Variants in PPIL1 observed in about 807,000 individuals in gnomAD.
PPIL1 encodes the protein peptidylprolyl isomerase like 1.
Under a neutral mutation model 19.4 loss-of-function variants are expected in PPIL1, and 14 were observed. The observed-to-expected ratio is 0.72, with a 90% confidence interval of 0.48 to 1.13. PPIL1 has a LOEUF of 1.13. Among genes scored for constraint, PPIL1 ranks in the 50% most tolerant of loss-of-function variants. PPIL1 has a pLI of 0.00. For synonymous variants in PPIL1, 72 were observed against 73.6 expected, an observed-to-expected ratio of 0.98 and a Z score of 0.11; for missense variants, 192 against 218.0, an observed-to-expected ratio of 0.88 and a Z score of 0.75.
At chr6:36,860,855 G>C (rs569695970) in intron 2 of PPIL1, among the ~76,000 whole-genome samples, 5 of 142,716 alleles carry the variant, frequency 3.5e-5, no homozygotes, top group African/African-American at 1.3e-4. Context: ...AAGTATTGTT[G>C]TTTTGCATGT....
At chr6:36,871,646 G>C (rs1774512238) in intron 2 of PPIL1, 72 bp downstream of exon 2, 2 of 1,509,504 alleles carry the variant, frequency 1.3e-6, no homozygotes, top group Admixed American at 4.4e-5. Context: ...AGAAACTAAT[G>C]CTGGCTTTAG....
intron 2 of PPIL1, among the ~76,000 whole-genome samples, chr6:36,859,811 T>TTGTGTG (rs71880744): frequency 0.072 from 10,436 of 144,910 alleles, 439 homozygotes; most frequent in South Asian, 0.1. Flanking sequence ...CTGTTTTCTA[T>TTGTGTG]TGTGTGTGTG....
intron 3 of PPIL1, 122 bp downstream of exon 3, chr6:36,856,464 C>T (rs1432375563): frequency 1.4e-5 from 12 of 884,216 alleles, no homozygotes; most frequent in African/African-American, 4.9e-5. Context: ...CTTCATGGCG[C>T]CATGGCTGGG....
chr6:36,863,866 C>A (rs573154870), intron 2 of PPIL1, among the ~76,000 whole-genome samples: 3 of 151,994 alleles, frequency 2.0e-5, no homozygotes, highest in Admixed American at 6.6e-5. Flanking sequence ...TTCCACGACT[C>A]CACATTCTCC....
chr6:36,870,236 G>A (rs1774481192), intron 2 of PPIL1, among the ~76,000 whole-genome samples: 1 of 152,142 alleles, frequency 6.6e-6, no homozygotes. Context: ...AAAGGCAAAC[G>A]AGCAGAAATT....
intron 2 of PPIL1, among the ~76,000 whole-genome samples, chr6:36,856,913 T>C (rs1222423829): frequency 2.0e-5 from 3 of 152,234 alleles, no homozygotes; most frequent in African/African-American, 4.8e-5. Context: ...ATGTTCACTA[T>C]CAAAAAGGTA....
chr6:36,869,341 C>T (rs1279862139), intron 2 of PPIL1, among the ~76,000 whole-genome samples: 1 of 152,050 alleles, frequency 6.6e-6, no homozygotes, highest in Non-Finnish European at 1.5e-5. Context: ...CTGAGAAGTC[C>T]AAGGTCAAGT....
chr6:36,868,127 AAAAT>A, intron 2 of PPIL1, among the ~76,000 whole-genome samples: 1 of 152,356 alleles, frequency 6.6e-6, no homozygotes, highest in Middle Eastern at 3.4e-3. Context: ...AAGAGAAGTA[AAAAT>A]ATAATATAAC....
At chr6:36,864,877 G>A (rs1774364196) in intron 2 of PPIL1, among the ~76,000 whole-genome samples, 1 of 152,090 alleles carries the variant, frequency 6.6e-6, no homozygotes, top group Non-Finnish European at 1.5e-5. Flanking sequence ...ACCAGAATGA[G>A]AGCACCGCGA....
chr6:36,857,323 G>A lies in PPIL1; in HGVS notation c.212-669C>T, dbSNP rs575936696. Among the ~76,000 whole-genome samples, 5 of 152,284 alleles carry A rather than the reference G, an allele frequency of 3.3e-5. No homozygotes were observed. In the South Asian group the frequency reaches 8.3e-4, roughly 25 times the overall value. On this transcript the variant is annotated intron_variant, in intron 2 of 3. Coordinates refer to ENST00000373699, the MANE Select transcript of PPIL1 (RefSeq NM_016059.5). ...TGTGGCAGAAAGGGACATTACGGTCGGCAGAGTCCACTGAGAGGTGAGGCA... is the reference window on the plus strand; with the variant it reads ...TGTGGCAGAAAGGGACATTACGGTCAGCAGAGTCCACTGAGAGGTGAGGCA...
chr6:36,864,002 T>G (rs1774343292), intron 2 of PPIL1, among the ~76,000 whole-genome samples: 1 of 151,910 alleles, frequency 6.6e-6, no homozygotes, highest in Non-Finnish European at 1.5e-5. Flanking sequence ...ACCCTTTATC[T>G]TTCACAGGTG....
chr6:36,854,968 C>T lies in PPIL1; in HGVS notation c.*845G>A, dbSNP rs1456445563. 1 of 152,594 alleles carries T rather than the reference C, an allele frequency of 6.6e-6. No homozygotes were observed. The highest frequency in any genetic ancestry group is 1.5e-5 in the Non-Finnish European group (1 of 68,032). 9.5% of individuals were successfully genotyped at this position (152,594 alleles called of 1,614,324 possible). A position where few individuals can be genotyped will look rare whatever the true frequency, so the allele number is the denominator to read the frequency against. ...CAACTGAACATATAAAAATCTTGGA[C>T]CTAATTTCTCTAAAGTCTTGGGTTA... On this transcript the variant is annotated 3_prime_UTR_variant, in exon 4 of 4. Transcript: ENST00000373699.
In PPIL1 at chr6:36,855,801, A is replaced by AG; in HGVS notation, c.*11dup. Reference sequence around the variant, plus strand: ...GGCCATCTCAGAAGAGCTGCTCAAGAGGGTAGCAAGTCTACCCAGAAGGGT... The same window carrying AG: ...GGCCATCTCAGAAGAGCTGCTCAAGAGGGGTAGCAAGTCTACCCAGAAGGGT... On this transcript the variant is annotated 3_prime_UTR_variant, in exon 4 of 4. Transcript: ENST00000373699. The AG allele has an allele frequency of 6.2e-7, 1 of 1,611,616 alleles. No homozygotes were observed. Among genetic ancestry groups the AG allele is most frequent in the Non-Finnish European group, 8.5e-7 (1 of 1,177,748 alleles).
At position 36,856,010 on chromosome 6, in the gene PPIL1, T is replaced by C. The variant is rs1400067650; in HGVS notation, c.304A>G (p.Asn102Asp). 1.2e-6 allele frequency: 2 copies of C among 1,614,094 alleles called. No individual in the cohort carries two copies. Among genetic ancestry groups the C allele is most frequent in the Admixed American group, 1.7e-5 (1 of 60,004 alleles). ...FTGAGILAMA[N>D]AGPDTNGSQF... ...CTGCCATTGGTATCTGGCCCCGCAT[T>C]GGCCATTGCGAGAATTCCAGCCCCT... The change falls in exon 4 of 4, where the codon AAT becomes GAT. Residue 102 changes from asparagine (N) to aspartate (D), a missense_variant. Coordinates refer to ENST00000373699, the MANE Select transcript of PPIL1 (RefSeq NM_016059.5).
chr6:36,866,423 A>C (rs1257995197), intron 2 of PPIL1, among the ~76,000 whole-genome samples: 3 of 152,086 alleles, frequency 2.0e-5, no homozygotes, highest in East Asian at 3.9e-4. Flanking sequence ...CGTGTCACCT[A>C]ATCAGCTAGA....
chr6:36,871,675 GAAA>G, intron 2 of PPIL1, 40 bp downstream of exon 2: 1 of 1,380,544 alleles, frequency 7.2e-7, no homozygotes, highest in Non-Finnish European at 9.7e-7. Context: ...ACGAAAAGGA[GAAA>G]AAAAAAAGAA....
chr6:36,867,567 C>T (rs1774418910), intron 2 of PPIL1, among the ~76,000 whole-genome samples: 3 of 152,236 alleles, frequency 2.0e-5, no homozygotes, highest in Admixed American at 2.0e-4. Context: ...CAGAAGCCCA[C>T]ACATATCACA....
intron 2 of PPIL1, among the ~76,000 whole-genome samples, chr6:36,861,214 C>T (rs1015541013): frequency 2.0e-5 from 3 of 152,140 alleles, no homozygotes; most frequent in Non-Finnish European, 4.4e-5. Context: ...CCCCACCCCG[C>T]AGCACTCTCA....
At position 36,855,887 on chromosome 6, in the gene PPIL1, C is replaced by T; in HGVS notation, c.427G>A (p.Gly143Arg). The T allele has an allele frequency of 6.2e-7, 1 of 1,614,082 alleles. No homozygotes were observed. Among genetic ancestry groups the T allele is most frequent in the Non-Finnish European group, 8.5e-7 (1 of 1,179,994 alleles). The change falls in exon 4 of 4, where the codon GGA becomes AGA. Residue 143 changes from glycine (G) to arginine (R), a missense_variant. Gly to Arg is a moderately radical substitution (Grantham distance 125, BLOSUM62 -2). Transcript: ENST00000373699. ...CQGIGMVNRV[G>R]MVETNSQDRP... ...TCCTGGGAGTTTGTTTCTACCATTC[C>T]CACGCGATTCACCATTCCTATGCCC...
Sources: gnomAD v4.1 joint callset for allele counts (sites outside exome capture counted in the v4.1 genomes callset) on GRCh38, gnomAD v4.1.1 for gene constraint, MANE v1.5 for transcripts, NCBI Gene and HGNC (gene_info 2026-07-23, HGNC 2026-07-21) for gene names.